Variants in HSD17B11 observed in about 807,000 individuals in gnomAD.
HSD17B11 encodes the protein hydroxysteroid 17-beta dehydrogenase 11.
A neutral mutation model predicts 27.8 loss-of-function variants in HSD17B11; 22 were observed. The ratio of observed to expected loss-of-function variants is 0.79; its 90% CI spans 0.56 to 1.13. The LOEUF is 1.13. Ranked by LOEUF, HSD17B11 falls within the 50% of genes most tolerant of loss-of-function variation. The pLI is 0.00. For missense variants in HSD17B11, 314 were observed against 351.1 expected (o/e 0.89, Z 0.84); for synonymous variants, 117 against 132.8 (o/e 0.88, Z 0.82).
intron 2 of HSD17B11, among the ~76,000 whole-genome samples, chr4:87,380,265 G>A (rs1720104770): frequency 6.6e-6 from 1 of 151,250 alleles, no homozygotes; most frequent in East Asian, 1.9e-4. Flanking sequence ...GCGAGGTCAG[G>A]AGATCGAGAC....
chr4:87,391,022 A>C lies in HSD17B11; in HGVS notation c.49T>G (p.Cys17Gly), dbSNP rs749644783. The C allele has an allele frequency of 6.2e-7, 1 of 1,614,094 alleles. No homozygotes were observed. The highest frequency in any genetic ancestry group is 1.1e-5 in the South Asian group (1 of 91,078). ...AGCTTCACGAAGGACTCTAGGGAGCAGACGATCAGTAACGGGAGAAGCAGG... is the reference window on the plus strand; with the variant it reads ...AGCTTCACGAAGGACTCTAGGGAGCCGACGATCAGTAACGGGAGAAGCAGG... The part of the protein sequence containing the change: ...ILLLLPLLIV[C>G]SLESFVKLFI... Residue 17 changes from cysteine to glycine, a missense_variant, in exon 1 of 7, where the codon TGC (cysteine) becomes GGC (glycine). By Grantham distance (159) the Cys-to-Gly change is radical. Transcript: ENST00000358290.
At chr4:87,372,899 A>AT (rs1735748461) in intron 3 of HSD17B11, 84 bp from the exon 4 acceptor site, 2 of 793,538 alleles carry the variant, frequency 2.5e-6, no homozygotes, top group East Asian at 2.7e-5. Flanking sequence ...ACAAAAGTAT[A>AT]TTTTTTAACA....
chr4:87,384,528 C>T lies in HSD17B11; in HGVS notation c.211-2166G>A, dbSNP rs180793465. On this transcript the variant is annotated intron_variant, in intron 1 of 6. Coordinates refer to ENST00000358290, the MANE Select transcript of HSD17B11 (RefSeq NM_016245.5). ...AGGAGAGATATTGCTAAATTCTTTT[C>T]CTAGCAAGGAATATTAACATTAATA... 6.7e-3 allele frequency among the ~76,000 whole-genome samples: 1,019 copies of T among 152,150 alleles called. 13 individuals are homozygous for T. The highest frequency in any genetic ancestry group is 0.024 in the African/African-American group (995 of 41,482).
chr4:87,357,949 A>ATTTTTTTTTTTTTTTTTTTTTTT (rs57139706), intron 4 of HSD17B11, among the ~76,000 whole-genome samples: 7 of 80,236 alleles, frequency 8.7e-5, no homozygotes, highest in Non-Finnish European at 9.7e-5. Flanking sequence ...CATTAGAGAA[A>ATTTTTTTTTTTTTTTTTTTTTTT]TTTTTTTTTT....
In HSD17B11 at chr4:87,354,642, C is replaced by CA. The variant is rs1255125895; in HGVS notation, c.695+2636dup. On this transcript the variant is annotated intron_variant, in intron 5 of 6. Transcript: ENST00000358290. ...TGGGTGACAGAGCGAATCCTTGTCTCAAAAAAAATAAAAAAAATAAAAAAA... is the reference window on the plus strand; with the variant it reads ...TGGGTGACAGAGCGAATCCTTGTCTCAAAAAAAAATAAAAAAAATAAAAAAA... 2.4e-3 allele frequency among the ~76,000 whole-genome samples: 287 copies of CA among 120,934 alleles called. 2 individuals carry two copies. Among genetic ancestry groups the CA allele is most frequent in the African/African-American group, 2.9e-3 (87 of 29,602 alleles). 79.3% of individuals were successfully genotyped at this position (120,934 alleles called of 152,430 possible). A position where few individuals can be genotyped will look rare whatever the true frequency, so the allele number is the denominator to read the frequency against.
At chr4:87,382,752 A>G (rs1002366937) in intron 1 of HSD17B11, among the ~76,000 whole-genome samples, 3 of 152,224 alleles carry the variant, frequency 2.0e-5, no homozygotes, top group Non-Finnish European at 2.9e-5. Flanking sequence ...ACTGTCTGCA[A>G]AAGAAATAAT....
chr4:87,386,317 C>A (rs1455677388), intron 1 of HSD17B11, among the ~76,000 whole-genome samples: 1 of 152,114 alleles, frequency 6.6e-6, no homozygotes, highest in Non-Finnish European at 1.5e-5. Context: ...ATTCTCCTGC[C>A]TCAGCCTCCC....
intron 4 of HSD17B11, among the ~76,000 whole-genome samples, chr4:87,368,612 C>T (rs1735651249): frequency 2.0e-5 from 3 of 152,126 alleles, no homozygotes; most frequent in African/African-American, 4.8e-5. Flanking sequence ...TGAAACCTAC[C>T]GGACTGCATT....
intron 2 of HSD17B11, among the ~76,000 whole-genome samples, chr4:87,378,962 T>A (rs13146673): frequency 0.38 from 12,963 of 33,954 alleles, 2,815 homozygotes; most frequent in East Asian, 0.53. Flanking sequence ...ATATATATAT[T>A]TTTTTTTTTT....
At chr4:87,345,291 A>G (rs1735249813) in intron 5 of HSD17B11, 1 of 152,132 alleles carries the variant, frequency 6.6e-6, no homozygotes, top group African/African-American at 2.4e-5. Flanking sequence ...TAAACAAATA[A>G]AGACTCATGA....
chr4:87,382,222 A>T (rs1720190559), intron 2 of HSD17B11, 33 bp downstream of exon 2: 1 of 1,501,230 alleles, frequency 6.7e-7, no homozygotes. Flanking sequence ...TAGCTCTAAC[A>T]TGATATGATT....
At chr4:87,363,411 C>T (rs1442295322) in intron 4 of HSD17B11, among the ~76,000 whole-genome samples, 1 of 152,036 alleles carries the variant, frequency 6.6e-6, no homozygotes, top group Non-Finnish European at 1.5e-5. Context: ...TTCGTTTTTC[C>T]GTGTAGAGGG....
chr4:87,357,831 C>A (rs1484085910), intron 4 of HSD17B11, among the ~76,000 whole-genome samples: 1 of 151,690 alleles, frequency 6.6e-6, no homozygotes. Flanking sequence ...CACAGCTTCA[C>A]TTCCTCAAAG....
At chr4:87,390,708 A>G (rs1224867400) in intron 1 of HSD17B11, among the ~76,000 whole-genome samples, 153 bp downstream of exon 1, 3 of 152,156 alleles carry the variant, frequency 2.0e-5, no homozygotes. Flanking sequence ...CATACAACAT[A>G]TTAATTCATG....
At chr4:87,360,476 T>A (rs1249782068) in intron 4 of HSD17B11, among the ~76,000 whole-genome samples, 1 of 152,382 alleles carries the variant, frequency 6.6e-6, no homozygotes, top group South Asian at 2.1e-4. Context: ...GAAATGTCTG[T>A]AGTGGACAGC....
At chr4:87,363,761 A>T (rs527840422) in intron 4 of HSD17B11, among the ~76,000 whole-genome samples, 2 of 152,246 alleles carry the variant, frequency 1.3e-5, no homozygotes, top group South Asian at 4.1e-4. Context: ...CCTGTAGCTC[A>T]GTAGCTAAGG....
intron 5 of HSD17B11, among the ~76,000 whole-genome samples, chr4:87,343,165 CT>C (rs1330240004): frequency 6.6e-6 from 1 of 152,148 alleles, no homozygotes; most frequent in African/African-American, 2.4e-5. Flanking sequence ...TTTTTAGCCC[CT>C]GTCAGATAAC....
At chr4:87,354,517 C>T (rs966086445) in intron 5 of HSD17B11, among the ~76,000 whole-genome samples, 4 of 151,768 alleles carry the variant, frequency 2.6e-5, no homozygotes, top group African/African-American at 9.7e-5. Context: ...GGACACATGC[C>T]TGTATGGTCC....
intron 5 of HSD17B11, among the ~76,000 whole-genome samples, chr4:87,354,802 G>A (rs1735350661): frequency 6.6e-6 from 1 of 151,552 alleles, no homozygotes; most frequent in South Asian, 2.1e-4. Flanking sequence ...AGTTTGAGGG[G>A]GCAGAATAAA....
Sources: allele counts gnomAD v4.1 joint callset (sites outside exome capture counted in the v4.1 genomes callset), GRCh38; gene constraint gnomAD v4.1.1; transcripts MANE v1.5; gene names NCBI Gene and HGNC (gene_info 2026-07-23, HGNC 2026-07-21).